The following ANKRD50 variants were observed in gnomAD, a reference collection of about 807,000 sequenced individuals.
The protein encoded by ANKRD50 is ankyrin repeat domain 50.
Under a neutral mutation model 112.0 loss-of-function variants are expected in ANKRD50, and 40 were observed. That is an observed-to-expected ratio of 0.36 (90% confidence interval 0.28 to 0.46). ANKRD50 has a LOEUF of 0.46. Among genes scored for constraint, ANKRD50 ranks in the 20% least tolerant of loss-of-function variants. The probability of loss-of-function intolerance (pLI) is 1.00; values close to 1 mark genes in which losing one functional copy is unlikely to be tolerated. For synonymous variants in ANKRD50, 613 were observed against 619.1 expected (o/e 0.99, Z 0.15); for missense variants, 1,487 against 1,701.7 (o/e 0.87, Z 2.22).
intron 3 of ANKRD50, among the ~76,000 whole-genome samples, chr4:124,675,215 A>G (rs1213231322): frequency 6.6e-6 from 1 of 151,728 alleles, no homozygotes; most frequent in Non-Finnish European, 1.5e-5. Context: ...TCTTACTTGA[A>G]ACATTTCTAT....
chr4:124,706,749 G>A (rs1350143439), intron 2 of ANKRD50, among the ~76,000 whole-genome samples: 2 of 152,096 alleles, frequency 1.3e-5, no homozygotes, highest in Non-Finnish European at 2.9e-5. Flanking sequence ...AGTCAAAAAT[G>A]CATCTGATAA....
At chr4:124,685,179 C>A (rs1018334362) in intron 2 of ANKRD50, among the ~76,000 whole-genome samples, 2 of 152,142 alleles carry the variant, frequency 1.3e-5, no homozygotes, top group Non-Finnish European at 2.9e-5. Flanking sequence ...CATCTCCTTG[C>A]CCATAATGTA....
At position 124,700,454 on chromosome 4, in the gene ANKRD50, T is replaced by C. The variant is rs900121576; in HGVS notation, c.512+9546A>G. ...AGCAGTTAGGACTCTAGTGCAGTAA[T>C]AGTCCAGCAATAGAAAATGGGAGTA... On this transcript the variant is annotated intron_variant, in intron 2 of 4. Coordinates refer to ENST00000504087, the MANE Select transcript of ANKRD50 (RefSeq NM_020337.3). Among the ~76,000 whole-genome samples, 11 of 152,278 alleles carry C rather than the reference T, an allele frequency of 7.2e-5. No individual in the cohort carries two copies. In the East Asian group the frequency reaches 2.1e-3, roughly 29 times the overall value.
chr4:124,687,505 T>C (rs1725035093), intron 2 of ANKRD50, among the ~76,000 whole-genome samples: 1 of 151,340 alleles, frequency 6.6e-6, no homozygotes, highest in African/African-American at 2.4e-5. Context: ...GCGGGATCCA[T>C]AGAAGGAAAA....
At chr4:124,688,842 CTCA>C (rs753862080) in intron 2 of ANKRD50, among the ~76,000 whole-genome samples, 1 of 152,284 alleles carries the variant, frequency 6.6e-6, no homozygotes, top group East Asian at 1.9e-4. Flanking sequence ...TTTCTCTAAC[CTCA>C]TCAGCCCTGC....
intron 2 of ANKRD50, among the ~76,000 whole-genome samples, chr4:124,704,813 G>A (rs113941595): frequency 0.014 from 2,202 of 152,214 alleles, 47 homozygotes; most frequent in African/African-American, 0.05. Context: ...ACTACAACAC[G>A]GCTGGGCGCA....
At chr4:124,684,142 T>C (rs926873571) in intron 2 of ANKRD50, among the ~76,000 whole-genome samples, 2 of 152,196 alleles carry the variant, frequency 1.3e-5, no homozygotes, top group African/African-American at 2.4e-5. Flanking sequence ...TTTTGTTCGA[T>C]GAAAACATTT....
intron 3 of ANKRD50, among the ~76,000 whole-genome samples, chr4:124,672,987 C>T (rs1011584452): frequency 6.6e-6 from 1 of 151,988 alleles, no homozygotes; most frequent in Non-Finnish European, 1.5e-5. Context: ...TATACACTAG[C>T]CTTAATTATG....
intron 2 of ANKRD50, among the ~76,000 whole-genome samples, chr4:124,695,126 T>A (rs1383701370): frequency 1.3e-5 from 2 of 152,052 alleles, no homozygotes; most frequent in Non-Finnish European, 1.5e-5. Context: ...AGATAAAATG[T>A]AGTAGGTGGC....
rs1455674700 is a variant in ANKRD50 at position 124,664,268 on chromosome 4, C to T, written c.*3250G>A. 1 of 151,828 alleles carries T rather than the reference C, an allele frequency of 6.6e-6. No homozygotes were observed. Among genetic ancestry groups the T allele is most frequent in the Non-Finnish European group, 1.5e-5 (1 of 67,890 alleles). 9.4% of individuals were successfully genotyped at this position (151,828 alleles called of 1,614,324 possible). On this transcript the variant is annotated 3_prime_UTR_variant, in exon 5 of 5. Coordinates refer to ENST00000504087, the MANE Select transcript of ANKRD50 (RefSeq NM_020337.3). ...CACGGGGGGGAAAAGAACATTAAGT[C>T]TTTAAAAAGGCTTAGGAAGACATAA...
intron 2 of ANKRD50, among the ~76,000 whole-genome samples, chr4:124,703,511 G>C (rs1725439026): frequency 6.6e-6 from 1 of 152,148 alleles, no homozygotes; most frequent in Non-Finnish European, 1.5e-5. Context: ...GCTGGCACAT[G>C]TAAATACATG....
In ANKRD50 at chr4:124,671,870, C is replaced by A. The variant is rs553953140; in HGVS notation, c.1407G>T (p.Ala469=). The change falls in exon 4 of 5, where the codon GCG becomes GCT. Residue 469 remains alanine (A), a synonymous_variant. Coordinates refer to ENST00000504087, the MANE Select transcript of ANKRD50 (RefSeq NM_020337.3). ...LINSNLQLET[A]ELALWMIWNG... ...TCCATATCATCCACAGAGCTAACTC[C>A]GCTGTCTCTAATTGTAAGTTTGAGT... is the stretch of plus-strand genomic sequence containing the variant. 4.5e-5 allele frequency: 72 copies of A among 1,613,776 alleles called. No homozygotes were observed. The South Asian group carries it at 7.0e-4, about 16-fold the overall frequency.
At chr4:124,712,068 G>A (rs535362875) in intron 1 of ANKRD50, among the ~76,000 whole-genome samples, 116 of 152,264 alleles carry the variant, frequency 7.6e-4, no homozygotes, top group African/African-American at 2.5e-3. Flanking sequence ...ACCGCCCAGA[G>A]GAGCCACAGG....
intron 2 of ANKRD50, among the ~76,000 whole-genome samples, chr4:124,687,386 C>T (rs900186348): frequency 1.3e-5 from 2 of 151,904 alleles, no homozygotes; most frequent in Non-Finnish European, 1.5e-5. Context: ...CAAAAATTTA[C>T]TCAACACAGA....
intron 3 of ANKRD50, among the ~76,000 whole-genome samples, chr4:124,672,749 A>C (rs1256483276): frequency 6.6e-6 from 1 of 152,048 alleles, no homozygotes; most frequent in African/African-American, 2.4e-5. Flanking sequence ...CTACCTACAA[A>C]TTGAACTACT....
At chr4:124,687,274 T>G (rs1195839249) in intron 2 of ANKRD50, among the ~76,000 whole-genome samples, 1 of 152,290 alleles carries the variant, frequency 6.6e-6, no homozygotes, top group East Asian at 1.9e-4. Context: ...TTTGTTTTTG[T>G]TTTTGTTTTT....
In ANKRD50 at chr4:124,705,946, G is replaced by C. The variant is rs138868431; in HGVS notation, c.512+4054C>G. Among the ~76,000 whole-genome samples the C allele has an allele frequency of 7.3e-3, 1,113 of 152,124 alleles. 18 individuals carry two copies. Among genetic ancestry groups the C allele is most frequent in the African/African-American group, 0.025 (1,021 of 41,522 alleles). ...AAATATTGTAAAGAAATTAACAATAGCATTGTACTTTAACCAGATACGAAA... is the reference window on the plus strand; with the variant it reads ...AAATATTGTAAAGAAATTAACAATACCATTGTACTTTAACCAGATACGAAA... On this transcript the variant is annotated intron_variant, in intron 2 of 4. Coordinates refer to ENST00000504087, the MANE Select transcript of ANKRD50 (RefSeq NM_020337.3).
intron 2 of ANKRD50, among the ~76,000 whole-genome samples, chr4:124,685,907 G>A (rs1378238298): frequency 1.3e-5 from 2 of 152,036 alleles, no homozygotes; most frequent in African/African-American, 4.8e-5. Flanking sequence ...AAAATTATAT[G>A]TATTTACCAT....
Position 124,672,144 on chromosome 4 carries a change from A to T in ANKRD50, c.1133T>A (p.Met378Lys), listed in dbSNP as rs1730674453. The T allele has an allele frequency of 6.2e-7, 1 of 1,613,782 alleles. No homozygotes were observed. ...TTGAAAATCTTCCAAAGTTAACGAC[A>T]TGTTTTTGGTCCATACTGCGTGATA... ...ELYHAVWTKN[M>K]SLTLEDFQRK... Residue 378 changes from methionine to lysine, a missense_variant, in exon 4 of 5, where the codon ATG becomes AAG. Met to Lys is a moderately conservative substitution (Grantham distance 95, BLOSUM62 -1). This residue lies in a region of ANKRD50 where 1,046 missense variants were observed against 1,269.5 expected (regional missense o/e 0.82). Transcript: ENST00000504087.
Sources: gnomAD v4.1 joint callset for allele counts (sites outside exome capture counted in the v4.1 genomes callset) on GRCh38, gnomAD v4.1.1 for gene constraint, gnomAD v4.1.1 regional missense constraint, MANE v1.5 for transcripts, NCBI Gene and HGNC (gene_info 2026-07-23, HGNC 2026-07-21) for gene names.